Variants in OCA2 observed in about 807,000 individuals in gnomAD.
OCA2 encodes the protein P protein.
Under a neutral mutation model 100.2 loss-of-function variants are expected in OCA2, and 77 were observed. The ratio of observed to expected loss-of-function variants is 0.77; its 90% CI spans 0.64 to 0.93. The LOEUF (loss-of-function observed/expected upper bound fraction) is 0.93. Ranked by LOEUF, OCA2 falls within the 40% of genes least tolerant of loss-of-function variation. The pLI is 0.00. For synonymous variants in OCA2, 432 were observed against 439.2 expected, an observed-to-expected ratio of 0.98 and a Z score of 0.21; for missense variants, 1,062 against 1,089.1, an observed-to-expected ratio of 0.98 and a Z score of 0.35.
chr15:27,828,556 T>G (rs377486113), intron 23 of OCA2, among the ~76,000 whole-genome samples: 15 of 152,304 alleles, frequency 9.8e-5, no homozygotes, highest in African/African-American at 3.6e-4. Flanking sequence ...TCTCAGCTGT[T>G]CTTTGTAAGT....
At chr15:27,887,771 A>G (rs567028219) in intron 19 of OCA2, among the ~76,000 whole-genome samples, 27 of 151,550 alleles carry the variant, frequency 1.8e-4, no homozygotes, top group African/African-American at 5.8e-4. Flanking sequence ...CCAACTCCCA[A>G]CATAGCAAGA....
chr15:27,993,605 G>A (rs747565411), intron 9 of OCA2, among the ~76,000 whole-genome samples: 2 of 152,114 alleles, frequency 1.3e-5, no homozygotes, highest in Non-Finnish European at 1.5e-5. Context: ...TGGGCTCATC[G>A]TGGTCTCACT....
At chr15:27,959,003 C>T (rs933187676) in intron 15 of OCA2, among the ~76,000 whole-genome samples, 1 of 152,132 alleles carries the variant, frequency 6.6e-6, no homozygotes, top group East Asian at 1.9e-4. Context: ...TACGTGAGTG[C>T]TCATCACCCA....
At chr15:27,978,809 C>T (rs2041052978) in intron 14 of OCA2, among the ~76,000 whole-genome samples, 1 of 152,026 alleles carries the variant, frequency 6.6e-6, no homozygotes. Context: ...CCTCAGTCTC[C>T]CAAGTAGCTA....
chr15:28,063,218 A>G (rs2043927736), intron 2 of OCA2, among the ~76,000 whole-genome samples: 1 of 152,156 alleles, frequency 6.6e-6, no homozygotes, highest in Non-Finnish European at 1.5e-5. Context: ...CAATATTAGT[A>G]TAGTCTCTCT....
At chr15:27,920,482 T>C (rs1014051672) in intron 19 of OCA2, among the ~76,000 whole-genome samples, 1 of 152,136 alleles carries the variant, frequency 6.6e-6, no homozygotes, top group East Asian at 1.9e-4. Context: ...AAATTTCTAA[T>C]TTTTTACAAA....
At chr15:28,059,178 G>C (rs539630559) in intron 2 of OCA2, among the ~76,000 whole-genome samples, 2 of 152,344 alleles carry the variant, frequency 1.3e-5, no homozygotes, top group South Asian at 2.1e-4. Flanking sequence ...GCCCACAAGA[G>C]AGCAGAAGAC....
At chr15:27,772,106 A>G (rs569049841) in intron 23 of OCA2, among the ~76,000 whole-genome samples, 1 of 152,382 alleles carries the variant, frequency 6.6e-6, no homozygotes, top group African/African-American at 2.4e-5. Flanking sequence ...CGAGGAAGGC[A>G]TCATAGCCAA....
At chr15:28,008,619 G>A (rs1272272015) in intron 9 of OCA2, among the ~76,000 whole-genome samples, 3 of 152,228 alleles carry the variant, frequency 2.0e-5, no homozygotes, top group South Asian at 2.1e-4. Context: ...TGTCTCCTTT[G>A]TTTGGTATAC....
At chr15:27,772,151 T>C (rs2031917275) in intron 23 of OCA2, among the ~76,000 whole-genome samples, 1 of 152,256 alleles carries the variant, frequency 6.6e-6, no homozygotes, top group African/African-American at 2.4e-5. Context: ...CTGTGCGTCC[T>C]GAACAACTAG....
rs2141019600 is a variant in OCA2 at position 27,990,642 on chromosome 15, C to A, written c.1050G>T (p.Val350=). The A allele has an allele frequency of 6.2e-7, 1 of 1,613,828 alleles. No homozygotes were observed. The highest frequency in any genetic ancestry group is 1.1e-5 in the South Asian group (1 of 91,086). ...CCAGCATGGCCGCCAGAGTTCTGTG[C>A]ACGATCTGGAAAGAAGCACAGGAAA... The part of the protein sequence containing the change: ...GVYALIIFEI[V]HRTLAAMLGS... The change falls in exon 10 of 24, where the codon GTG becomes GTT. Residue 350 remains valine (V), a synonymous_variant. Transcript: ENST00000354638.
chr15:27,762,174 C>T (rs1459182747), intron 23 of OCA2, among the ~76,000 whole-genome samples: 1 of 152,024 alleles, frequency 6.6e-6, no homozygotes, highest in Non-Finnish European at 1.5e-5. Flanking sequence ...ATTTCCCATC[C>T]CTCACCCTCT....
chr15:28,091,680 G>A (rs2044872324), intron 1 of OCA2, among the ~76,000 whole-genome samples: 1 of 152,232 alleles, frequency 6.6e-6, no homozygotes, highest in Non-Finnish European at 1.5e-5. Flanking sequence ...ACCCGGCCCT[G>A]CACGGTGGCT....
chr15:28,000,974 G>T (rs2041906592), intron 9 of OCA2, among the ~76,000 whole-genome samples: 1 of 152,174 alleles, frequency 6.6e-6, no homozygotes, highest in Non-Finnish European at 1.5e-5. Context: ...TGTTGGGTAG[G>T]ATGTGAAGAA....
At chr15:28,004,498 C>G (rs1242037143) in intron 9 of OCA2, among the ~76,000 whole-genome samples, 2 of 152,192 alleles carry the variant, frequency 1.3e-5, no homozygotes, top group African/African-American at 2.4e-5. Flanking sequence ...GACACACACA[C>G]AGTCACACGC....
chr15:28,026,826 A>G (rs944186782), intron 4 of OCA2, among the ~76,000 whole-genome samples: 1 of 152,162 alleles, frequency 6.6e-6, no homozygotes, highest in Non-Finnish European at 1.5e-5. Context: ...ACTGGTCCCC[A>G]CACACAGAGA....
chr15:27,889,981 T>C (rs76333720), intron 19 of OCA2, among the ~76,000 whole-genome samples: 2,375 of 152,312 alleles, frequency 0.016, 55 homozygotes, highest in African/African-American at 0.05. Flanking sequence ...AAGATCCAGG[T>C]ACCAGCATTT....
intron 19 of OCA2, among the ~76,000 whole-genome samples, chr15:27,922,850 G>C (rs1215331248): frequency 6.6e-6 from 1 of 151,812 alleles, no homozygotes; most frequent in Non-Finnish European, 1.5e-5. Flanking sequence ...TACATGTGCA[G>C]GTTTATTATA....
chr15:28,051,465 T>A (rs2043511432), intron 2 of OCA2, among the ~76,000 whole-genome samples: 1 of 152,032 alleles, frequency 6.6e-6, no homozygotes, highest in Non-Finnish European at 1.5e-5. Context: ...CCTAATTTTG[T>A]TTTTTTAGCA....
Sources: allele counts gnomAD v4.1 joint callset (sites outside exome capture counted in the v4.1 genomes callset), GRCh38; gene constraint gnomAD v4.1.1; transcripts MANE v1.5; gene names NCBI Gene and HGNC (gene_info 2026-07-23, HGNC 2026-07-21).